The following AMZ1 variants were observed in gnomAD, a reference collection of about 807,000 sequenced individuals.
AMZ1 encodes archaemetzincin-1.
A neutral mutation model predicts 29.9 loss-of-function variants in AMZ1; 39 were observed. The observed-to-expected ratio is 1.30, with a 90% CI of 1.01 to 1.70. AMZ1 has a LOEUF of 1.70. Among genes scored for constraint, AMZ1 ranks in the 40% most tolerant of loss-of-function variants. AMZ1 has a pLI of 0.00. For synonymous variants in AMZ1, 458 were observed against 304.0 expected, an observed-to-expected ratio of 1.51 and a Z score of -5.27; for missense variants, 1,041 against 680.6, an observed-to-expected ratio of 1.53 and a Z score of -5.89.
rs1330345476 is a variant in AMZ1, at chr7:2,718,496, C to T, written c.*5618C>T. On this transcript the variant is annotated 3_prime_UTR_variant, in exon 7 of 7. Coordinates refer to ENST00000683327, the MANE Select transcript of AMZ1 (RefSeq NM_001384743.1). ...ATGAATGGGGACGTGTTTTGTTCAGCCCTGACTCTTGGACGCTGGTGGCAG... is the reference window on the plus strand; with the variant it reads ...ATGAATGGGGACGTGTTTTGTTCAGTCCTGACTCTTGGACGCTGGTGGCAG... Among the ~76,000 whole-genome samples the T allele has an allele frequency of 6.6e-6, 1 of 152,226 alleles. No homozygotes were observed. Among genetic ancestry groups the T allele is most frequent in the Non-Finnish European group, 1.5e-5 (1 of 68,046 alleles).
intron 4 of AMZ1, among the ~76,000 whole-genome samples, chr7:2,738,209 G>A (rs1248196452): frequency 6.6e-6 from 1 of 151,912 alleles, no homozygotes; most frequent in Non-Finnish European, 1.5e-5. Context: ...GAGGTCAGGA[G>A]TTCGAGACAA....
In AMZ1 at chr7:2,746,000, G is replaced by C. The variant is rs187425738; in HGVS notation, n.551-18712G>C. 5.2e-3 allele frequency among the ~76,000 whole-genome samples: 797 copies of C among 152,240 alleles called. 7 individuals are homozygous for C. Among genetic ancestry groups the C allele is most frequent in the African/African-American group, 0.018 (752 of 41,500 alleles). ...CTAAATATATATGCAAACAATACAG[G>C]AGCACTCAGATTCATAAAGCAAGTC... On this transcript the variant is annotated intron_variant and non_coding_transcript_variant, in intron 4 of 4. Coordinates refer to the AMZ1 transcript ENST00000489665.
At chr7:2,719,953 T>G (rs192756047), downstream of AMZ1, among the ~76,000 whole-genome samples, 146 of 152,316 alleles carry the variant, frequency 9.6e-4, 1 homozygote, top group African/African-American at 3.3e-3. Context: ...AGTGCCAGGA[T>G]TACAGGCGTC....
intron 4 of AMZ1, among the ~76,000 whole-genome samples, chr7:2,745,544 G>A (rs1302004351): frequency 1.3e-5 from 2 of 152,132 alleles, no homozygotes; most frequent in Non-Finnish European, 1.5e-5. Flanking sequence ...AGGAGCAACT[G>A]GTACCAGCCA....
chr7:2,710,469 G>A (rs749987044), intron 6 of AMZ1, among the ~76,000 whole-genome samples: 4 of 152,218 alleles, frequency 2.6e-5, no homozygotes, highest in Admixed American at 6.5e-5. Context: ...ATGAAACCGC[G>A]CTGGAAAGCC....
chr7:2,679,813 C>T (rs1786819988), intron 1 of AMZ1: 1 of 152,598 alleles, frequency 6.6e-6, no homozygotes, highest in African/African-American at 2.4e-5. Context: ...GGCCAGGAGA[C>T]CAGGGAAGAA....
At position 2,708,582 on chromosome 7, in the gene AMZ1, C is replaced by G; in HGVS notation, c.473-6C>G. 6.2e-7 allele frequency: 1 copy of G among 1,612,106 alleles called. No individual in the cohort carries two copies. The highest frequency in any genetic ancestry group is 1.3e-5 in the African/African-American group (1 of 75,028). The stretch of plus-strand genomic sequence containing the variant: ...CTGACCCCATCCTCTGGCCCTCTCC[C>G]CGCAGACGGCATCCTGTCCTTCTTG... On this transcript the variant is annotated splice_region_variant and splice_polypyrimidine_tract_variant and intron_variant, in intron 3 of 6. Coordinates refer to ENST00000683327, the MANE Select transcript of AMZ1 (RefSeq NM_001384743.1).
intron 1 of AMZ1, among the ~76,000 whole-genome samples, chr7:2,699,235 C>T (rs576405509): frequency 4.6e-5 from 7 of 152,268 alleles, no homozygotes; most frequent in African/African-American, 1.2e-4. Flanking sequence ...ACCAAGTGTG[C>T]GGTGACGACT....
In AMZ1 at chr7:2,702,397, C is replaced by T. The variant is rs1373100543; in HGVS notation, c.305-325C>T. Reference sequence around the variant, plus strand: ...GAGGTGGCTCGGCTCTGTGTGCTGCCTGCTCAGCTGCAGTGCCTGGCGCTA... The same window carrying T: ...GAGGTGGCTCGGCTCTGTGTGCTGCTTGCTCAGCTGCAGTGCCTGGCGCTA... On this transcript the variant is annotated intron_variant, in intron 2 of 6. Coordinates refer to ENST00000683327, the MANE Select transcript of AMZ1 (RefSeq NM_001384743.1). 1.5e-5 allele frequency: 5 copies of T among 323,652 alleles called. No homozygotes were observed. In the East Asian group the frequency reaches 2.9e-4, roughly 19 times the overall value. The allele number at this position is 323,652 out of a possible 1,614,324, so 20.0% of individuals were successfully genotyped here.
At chr7:2,698,887 A>G (rs1024251449) in intron 1 of AMZ1, among the ~76,000 whole-genome samples, 1 of 152,152 alleles carries the variant, frequency 6.6e-6, no homozygotes, top group African/African-American at 2.4e-5. Context: ...TTCTCCCTGC[A>G]AAAACATAGC....
At chr7:2,751,143 T>C (rs1260539239) in intron 4 of AMZ1, among the ~76,000 whole-genome samples, 1 of 152,010 alleles carries the variant, frequency 6.6e-6, no homozygotes, top group Non-Finnish European at 1.5e-5. Flanking sequence ...ACCCCAGCAC[T>C]TTAGGAGGCT....
At chr7:2,723,288 G>A (rs181453935), downstream of AMZ1, among the ~76,000 whole-genome samples, 1 of 152,228 alleles carries the variant, frequency 6.6e-6, no homozygotes, top group Non-Finnish European at 1.5e-5. Flanking sequence ...GCACCTGTTT[G>A]CAGGGGAATG....
At chr7:2,732,039 A>G (rs1789924016) in intron 4 of AMZ1, among the ~76,000 whole-genome samples, 1 of 152,198 alleles carries the variant, frequency 6.6e-6, no homozygotes, top group Non-Finnish European at 1.5e-5. Context: ...TCTCCAGAGG[A>G]AATTTACCAT....
chr7:2,764,578 A>C (rs1791725798), upstream of AMZ1: 1 of 152,186 alleles, frequency 6.6e-6, no homozygotes, highest in African/African-American at 2.4e-5. Flanking sequence ...CTGACATGTG[A>C]ATGAATGATC....
In AMZ1 at chr7:2,701,468, C is replaced by G. The variant is rs1016871582; in HGVS notation, c.304+713C>G. 2.6e-5 allele frequency among the ~76,000 whole-genome samples: 4 copies of G among 152,146 alleles called. No individual in the cohort carries two copies. In the East Asian group the frequency reaches 7.7e-4, roughly 29 times the overall value. On this transcript the variant is annotated intron_variant, in intron 2 of 6. Coordinates refer to ENST00000683327, the MANE Select transcript of AMZ1 (RefSeq NM_001384743.1). ...GGGGCTTGAGGGCCCAGAGTGGTCA[C>G]TGTCCTCAGAGCTCTGTGTCTGGCA...
At chr7:2,723,918 T>A (rs1045651476), downstream of AMZ1, among the ~76,000 whole-genome samples, 26 of 151,690 alleles carry the variant, frequency 1.7e-4, no homozygotes, top group African/African-American at 6.3e-4. Flanking sequence ...TCTGGCCAGA[T>A]TTTTTTTTGA....
chr7:2,723,627 C>T (rs1176193653), downstream of AMZ1, among the ~76,000 whole-genome samples: 2 of 152,192 alleles, frequency 1.3e-5, no homozygotes, highest in African/African-American at 4.8e-5. Context: ...CTGCATGCCC[C>T]CTCGGCGCTC....
At chr7:2,694,560 G>A (rs1445558565) in intron 1 of AMZ1, among the ~76,000 whole-genome samples, 1 of 151,940 alleles carries the variant, frequency 6.6e-6, no homozygotes, top group African/African-American at 2.4e-5. Context: ...GAAGTACTGG[G>A]ATTACAGGTG....
intron 1 of AMZ1, among the ~76,000 whole-genome samples, chr7:2,689,878 C>T (rs1264723271): frequency 6.6e-6 from 1 of 152,168 alleles, no homozygotes; most frequent in East Asian, 1.9e-4. Flanking sequence ...ACTAAGGCGG[C>T]TCCCTCCCCG....
Sources: gnomAD v4.1 joint callset for allele counts (sites outside exome capture counted in the v4.1 genomes callset) on GRCh38, gnomAD v4.1.1 for gene constraint, MANE v1.5 for transcripts, NCBI Gene and HGNC (gene_info 2026-07-23, HGNC 2026-07-21) for gene names.